Variants in C19orf33 observed in about 807,000 individuals in gnomAD.
C19orf33 encodes the protein chromosome 19 open reading frame 33.
Under a neutral mutation model 9.7 loss-of-function variants are expected in C19orf33, and 9 were observed. The ratio of observed to expected loss-of-function variants is 0.93; its 90% CI spans 0.56 to 1.61. The LOEUF (loss-of-function observed/expected upper bound fraction) is 1.61. Among genes scored for constraint, C19orf33 ranks in the 40% most tolerant of loss-of-function variants. The pLI is 0.00. For synonymous variants in C19orf33, 61 were observed against 54.8 expected (o/e 1.11, Z -0.50); for missense variants, 145 against 137.9 (o/e 1.05, Z -0.26).
In C19orf33 at chr19:38,304,917, G is replaced by T; in HGVS notation, c.274G>T (p.Glu92Ter). ...CAAGAAGCCCAAAGTGAAGAAGAAG[G>T]AGAAGGGCAAGAAGGAGAAGGGCAA... ...KAKKPKVKKK[E>*]KGKKEKGKKK... Residue 92 changes from glutamate to a stop codon, truncating the protein, a stop_gained, in exon 4 of 4, where the codon GAG (glutamate) becomes TAG (stop). Transcript: ENST00000301246. LOFTEE classifies it low-confidence loss of function (END_TRUNC). 6.3e-7 allele frequency: 1 copy of T among 1,595,488 alleles called. No homozygotes were observed. The highest frequency in any genetic ancestry group is 8.5e-7 in the Non-Finnish European group (1 of 1,171,018).
In C19orf33 at chr19:38,304,467, G is replaced by T; in HGVS notation, c.115G>T (p.Ala39Ser). 1 of 1,555,660 alleles carries T rather than the reference G, an allele frequency of 6.4e-7. No homozygotes were observed. The highest frequency in any genetic ancestry group is 8.7e-7 in the Non-Finnish European group (1 of 1,150,080). ...SPHKVQGRSE[A>S]GAGPGPKQGH... ...CCACAAAGTTCAGGGCCGGTCGGAG[G>T]CAGGGGCAGGTCCGGGTCCAAAGGT... The change falls in exon 2 of 4, where the codon GCA (alanine) becomes TCA (serine). Residue 39 changes from alanine to serine, a missense_variant. Ala to Ser is a moderately conservative substitution (Grantham distance 99). Coordinates refer to ENST00000301246, the MANE Select transcript of C19orf33 (RefSeq NM_033520.3).
chr19:38,304,830 C>T lies in C19orf33; in HGVS notation c.202-15C>T, dbSNP rs200992867. On this transcript the variant is annotated splice_polypyrimidine_tract_variant and intron_variant, in intron 3 of 3. Transcript: ENST00000301246. ...AACCATCTCTTCTCTCCCATCCCTG[C>T]CCTCGGCCCCACAGTCCCACGCTGC... 1,275 of 1,613,696 alleles carry T rather than the reference C, an allele frequency of 7.9e-4. 1 individual carries two copies. The highest frequency in any genetic ancestry group is 9.9e-4 in the Non-Finnish European group (1,165 of 1,179,974).
Position 38,304,659 on chromosome 19 carries a change from C to T in C19orf33, c.174C>T (p.Ser58=). 1 of 1,613,704 alleles carries T rather than the reference C, an allele frequency of 6.2e-7. No homozygotes were observed. The highest frequency in any genetic ancestry group is 1.1e-5 in the South Asian group (1 of 91,088). Residue 58 remains serine, a synonymous_variant, in exon 3 of 4, where the codon AGC becomes AGT. Coordinates refer to ENST00000301246, the MANE Select transcript of C19orf33 (RefSeq NM_033520.3). ...ACAGCTCTTCCGACTCCAGCAGCAG[C>T]TCCAGCGATTCGGACACGGATGTGA... ...GHHSSSDSSS[S]SSDSDTDVKS...
rs2146289064 is a variant in C19orf33 at position 38,304,404 on chromosome 19, G to A, written c.52G>A (p.Val18Met). ...GGAGCCCACCTCCCAGAAGCCCGGT[G>A]TGGGGGCGGGCCACGGGGGAGATCC... The part of the protein sequence containing the change: ...ALEPTSQKPG[V>M]GAGHGGDPKL... The change falls in exon 2 of 4, where the codon GTG (valine) becomes ATG (methionine). Residue 18 changes from valine (V) to methionine (M), a missense_variant. Coordinates refer to ENST00000301246, the MANE Select transcript of C19orf33 (RefSeq NM_033520.3). 6.4e-7 allele frequency: 1 copy of A among 1,570,558 alleles called. No homozygotes were observed. Among genetic ancestry groups the A allele is most frequent in the African/African-American group, 1.3e-5 (1 of 74,308 alleles).
At chr19:38,304,581 G>A in intron 2 of C19orf33, 43 bp from the exon 3 acceptor site, 1 of 1,611,482 alleles carries the variant, frequency 6.2e-7, no homozygotes, top group Non-Finnish European at 8.5e-7. Flanking sequence ...AACTTCAGGG[G>A]GCTGGGTAAG....
Position 38,304,459 on chromosome 19 carries a change from G to T in C19orf33, c.107G>T (p.Arg36Leu). Residue 36 changes from arginine to leucine, a missense_variant, in exon 2 of 4, where the codon CGG becomes CTG. Coordinates refer to ENST00000301246, the MANE Select transcript of C19orf33 (RefSeq NM_033520.3). Reference protein sequence around the residue: ...PKLSPHKVQGRSEAGAGPGPK... With the variant: ...PKLSPHKVQGLSEAGAGPGPK... ...CTCAGTCCCCACAAAGTTCAGGGCC[G>T]GTCGGAGGCAGGGGCAGGTCCGGGT... 2 of 1,556,190 alleles carry T rather than the reference G, an allele frequency of 1.3e-6. No individual in the cohort carries two copies. Among genetic ancestry groups the T allele is most frequent in the South Asian group, 2.4e-5 (2 of 84,982 alleles).
rs1600367140 is a variant in C19orf33 at position 38,304,295 on chromosome 19, G to C, written c.22+12G>C. On this transcript the variant is annotated intron_variant, in intron 1 of 3. Coordinates refer to ENST00000301246, the MANE Select transcript of C19orf33 (RefSeq NM_033520.3). ...CGACCTGGGAGCAGGTGAGCTCCTGGGGAGTGTGGACTGGAGGTGCAGGGG... is the reference window on the plus strand; with the variant it reads ...CGACCTGGGAGCAGGTGAGCTCCTGCGGAGTGTGGACTGGAGGTGCAGGGG... The C allele has an allele frequency of 1.2e-6, 2 of 1,613,782 alleles. No homozygotes were observed. Among genetic ancestry groups the C allele is most frequent in the East Asian group, 4.5e-5 (2 of 44,884 alleles).
chr19:38,304,400 C>T lies in C19orf33; in HGVS notation c.48C>T (p.Pro16=), dbSNP rs572168647. ...CCCTGGAGCCCACCTCCCAGAAGCC[C>T]GGTGTGGGGGCGGGCCACGGGGGAG... The part of the protein sequence containing the change: ...GAALEPTSQK[P]GVGAGHGGDP... Residue 16 remains proline, a synonymous_variant, in exon 2 of 4, where the codon CCC becomes CCT. Transcript: ENST00000301246. The T allele has an allele frequency of 7.0e-6, 11 of 1,574,080 alleles. No individual in the cohort carries two copies. The highest frequency in any genetic ancestry group is 1.7e-4 in the Middle Eastern group (1 of 5,992).
At chr19:38,304,577 A>AG in intron 2 of C19orf33, 47 bp from the exon 3 acceptor site, 4 of 1,610,668 alleles carry the variant, frequency 2.5e-6, no homozygotes, top group African/African-American at 1.3e-5. Flanking sequence ...CTCCAACTTC[A>AG]GGGGGCTGGG....
At chr19:38,304,337 G>T in intron 1 of C19orf33, 38 bp from the exon 2 acceptor site, 2 of 1,611,054 alleles carry the variant, frequency 1.2e-6, no homozygotes, top group Non-Finnish European at 1.7e-6. Flanking sequence ...CTCAAGCCCA[G>T]AAGCTGCCTG....
Position 38,304,355 on chromosome 19 carries a change from C to T in C19orf33, c.23-20C>T, listed in dbSNP as rs1968887865. On this transcript the variant is annotated intron_variant, in intron 1 of 3. Transcript: ENST00000301246. ...AAGCCCAGAAGCTGCCTGCACCAAC[C>T]ACCCAACTTCTCTCCACAGCCCTGG... is the stretch of plus-strand genomic sequence containing the variant. 5.6e-6 allele frequency: 9 copies of T among 1,604,868 alleles called. No individual in the cohort carries two copies. In the South Asian group the frequency reaches 6.7e-5, roughly 12 times the overall value.
In C19orf33 at chr19:38,304,488, A is replaced by G; in HGVS notation, c.136A>G (p.Lys46Glu). Residue 46 changes from lysine to glutamate, a missense_variant and splice_region_variant, in exon 2 of 4, where the codon AAG becomes GAG. By Grantham distance (56) the Lys-to-Glu change is moderately conservative. Transcript: ENST00000301246. ...RSEAGAGPGP[K>E]QGHHSSSDSS... is the part of the protein sequence containing the mutation. Reference sequence around the variant, plus strand: ...GGAGGCAGGGGCAGGTCCGGGTCCAAAGGTAAGTCGCCTCATCACCGGCTG... The same window carrying G: ...GGAGGCAGGGGCAGGTCCGGGTCCAGAGGTAAGTCGCCTCATCACCGGCTG... The G allele has an allele frequency of 6.4e-7, 1 of 1,556,718 alleles. No individual in the cohort carries two copies. Among genetic ancestry groups the G allele is most frequent in the Non-Finnish European group, 8.7e-7 (1 of 1,150,482 alleles).
At position 38,304,433 on chromosome 19, in the gene C19orf33, G is replaced by A. The variant is rs1873389911; in HGVS notation, c.81G>A (p.Lys27=). ...GVGAGHGGDP[K]LSPHKVQGRS... is the part of the protein sequence containing the mutation. Reference sequence around the variant, plus strand: ...GGGCGGGCCACGGGGGAGATCCCAAGCTCAGTCCCCACAAAGTTCAGGGCC... The same window carrying A: ...GGGCGGGCCACGGGGGAGATCCCAAACTCAGTCCCCACAAAGTTCAGGGCC... Residue 27 remains lysine (K), a synonymous_variant, in exon 2 of 4, where the codon AAG becomes AAA. Transcript: ENST00000301246. The A allele has an allele frequency of 6.4e-7, 1 of 1,559,850 alleles. No individual in the cohort carries two copies. Among genetic ancestry groups the A allele is most frequent in the African/African-American group, 1.4e-5 (1 of 73,652 alleles).
intron 1 of C19orf33, 45 bp from the exon 2 acceptor site, chr19:38,304,329 CA>C (rs1391646077): frequency 1.1e-5 from 17 of 1,612,530 alleles, no homozygotes; most frequent in Non-Finnish European, 1.4e-5. Context: ...GGGCCGGACT[CA>C]AGCCCAGAAG....
rs781654138 is a variant in C19orf33, at chr19:38,304,943, G to GAAGGAGAAGGGC, written c.303_304insGAGAAGGGCAAG (p.Lys101_Lys102insGluLysGlyLys). ...AGAAGGGCAAGAAGGAGAAGGGCAA[G>GAAGGAGAAGGGC]AAGAAGGAGGCTCCCCACTGAAGGG... On this transcript the variant is annotated inframe_insertion, in exon 4 of 4. Transcript: ENST00000301246. 7 of 1,503,134 alleles carry GAAGGAGAAGGGC rather than the reference G, an allele frequency of 4.7e-6. No individual in the cohort carries two copies. In the African/African-American group the frequency reaches 8.7e-5, roughly 19 times the overall value. 93.1% of individuals were successfully genotyped at this position (1,503,134 alleles called of 1,614,324 possible). A position where few individuals can be genotyped will look rare whatever the true frequency, so the allele number is the denominator to read the frequency against.
Position 38,304,968 on chromosome 19 carries a change from G to A in C19orf33, c.*4G>A, listed in dbSNP as rs926809884. On this transcript the variant is annotated 3_prime_UTR_variant, in exon 4 of 4. Coordinates refer to ENST00000301246, the MANE Select transcript of C19orf33 (RefSeq NM_033520.3). Reference sequence around the variant, plus strand: ...GAAGAAGGAGGCTCCCCACTGAAGGGCCCTGGACAGGGCTCATTAAACCTT... The same window carrying A: ...GAAGAAGGAGGCTCCCCACTGAAGGACCCTGGACAGGGCTCATTAAACCTT... The A allele has an allele frequency of 3.1e-6, 5 of 1,597,072 alleles. No individual in the cohort carries two copies. The highest frequency in any genetic ancestry group is 4.3e-6 in the Non-Finnish European group (5 of 1,172,612).
chr19:38,304,996 T>G lies in C19orf33; in HGVS notation c.*32T>G. The G allele has an allele frequency of 1.3e-6, 2 of 1,567,504 alleles. No homozygotes were observed. Among genetic ancestry groups the G allele is most frequent in the Non-Finnish European group, 1.7e-6 (2 of 1,156,530 alleles). ...CTGGACAGGGCTCATTAAACCTTCC[T>G]CTCTGCCTTCTGCGACTGGTCAGCG... On this transcript the variant is annotated 3_prime_UTR_variant, in exon 4 of 4. Transcript: ENST00000301246.
In C19orf33 at chr19:38,304,670, C is replaced by G. The variant is rs1198468746; in HGVS notation, c.185C>G (p.Ser62Trp). ...SSDSSSSSSD[S>W]DTDVKSHAAG... ...GACTCCAGCAGCAGCTCCAGCGATT[C>G]GGACACGGATGTGAAGGTAAGGGGC... Residue 62 changes from serine to tryptophan, a missense_variant, in exon 3 of 4, where the codon TCG becomes TGG. Ser to Trp is a radical substitution (Grantham distance 177). Coordinates refer to ENST00000301246, the MANE Select transcript of C19orf33 (RefSeq NM_033520.3). 6.2e-7 allele frequency: 1 copy of G among 1,613,664 alleles called. No individual in the cohort carries two copies. Among genetic ancestry groups the G allele is most frequent in the South Asian group, 1.1e-5 (1 of 91,084 alleles).
Position 38,304,687 on chromosome 19 carries a change from G to A in C19orf33, c.201+1G>A. The A allele has an allele frequency of 6.2e-7, 1 of 1,613,686 alleles. No homozygotes were observed. The highest frequency in any genetic ancestry group is 1.7e-5 in the Admixed American group (1 of 60,018). ...CAGCGATTCGGACACGGATGTGAAGGTAAGGGGCTCTCGCCAGCGTCCCCA... is the reference window on the plus strand; with the variant it reads ...CAGCGATTCGGACACGGATGTGAAGATAAGGGGCTCTCGCCAGCGTCCCCA... On this transcript the variant is annotated splice_donor_variant, in intron 3 of 3. Transcript: ENST00000301246. LOFTEE classifies it high-confidence loss of function.
Sources: gnomAD v4.1 joint callset for allele counts on GRCh38, gnomAD v4.1.1 for gene constraint, MANE v1.5 for transcripts, NCBI Gene and HGNC (gene_info 2026-07-23, HGNC 2026-07-21) for gene names.